ASIC3: variants seen among roughly 807,000 people sequenced by gnomAD.
The protein encoded by ASIC3 is acid-sensing ion channel 3.
Under a neutral mutation model 58.6 loss-of-function variants are expected in ASIC3, and 46 were observed. The observed-to-expected ratio is 0.79, with a 90% CI of 0.62 to 1.00. The LOEUF (loss-of-function observed/expected upper bound fraction) is 1.00, where lower values mean the gene tolerates loss of function less well. Ranked by LOEUF, ASIC3 falls within the 50% of genes least tolerant of loss-of-function variation. ASIC3 has a pLI of 0.00. For synonymous variants in ASIC3, 336 were observed against 300.2 expected (o/e 1.12, Z -1.23); for missense variants, 770 against 735.0 (o/e 1.05, Z -0.55).
Position 151,049,259 on chromosome 7 carries a change from T to A in ASIC3, c.374T>A (p.Phe125Tyr). The A allele has an allele frequency of 6.2e-7, 1 of 1,612,208 alleles. No homozygotes were observed. Among genetic ancestry groups the A allele is most frequent in the Non-Finnish European group, 8.5e-7 (1 of 1,179,548 alleles). ...LGLDPAEHAA[F>Y]LRALGRPPAP... ...CTGGATCCCGCAGAGCACGCCGCCT[T>A]CCTGCGCGCCCTGGGCCGGCCCCCT... Residue 125 changes from phenylalanine to tyrosine, a missense_variant, in exon 1 of 11, where the codon TTC (phenylalanine) becomes TAC (tyrosine). By Grantham distance (22) the Phe-to-Tyr change is conservative (BLOSUM62 3). Transcript: ENST00000349064.
chr7:151,050,224 A>G lies in ASIC3; in HGVS notation c.653A>G (p.Gln218Arg), dbSNP rs1360758057. ...CTGGACATCATGCTGGACGTGCAGC[A>G]GGAGGAATATCTACCTGTGTGGAGG... Reference protein sequence around the residue: ...NGLDIMLDVQQEEYLPVWRDN... With the variant: ...NGLDIMLDVQREEYLPVWRDN... Residue 218 changes from glutamine to arginine, a missense_variant, in exon 2 of 11, where the codon CAG becomes CGG. By Grantham distance (43) the Gln-to-Arg change is conservative. Transcript: ENST00000349064. 1 of 1,614,040 alleles carries G rather than the reference A, an allele frequency of 6.2e-7. No homozygotes were observed. Among genetic ancestry groups the G allele is most frequent in the Non-Finnish European group, 8.5e-7 (1 of 1,179,942 alleles).
In ASIC3 at chr7:151,052,420, A is replaced by C; in HGVS notation, c.1463A>C (p.Gln488Pro). ...GACCCTCTCGTCCTCACACAGCTTC[A>C]GGAAGGGCTGGGCAGCCATCGAACC... ...SQRHSSTNLL[Q>P]EGLGSHRTQV... The change falls in exon 10 of 11, where the codon CAG becomes CCG. Residue 488 changes from glutamine (Q) to proline (P), a missense_variant. Physicochemically the swap from Gln to Pro is moderately conservative, Grantham distance 76. Coordinates refer to ENST00000349064, the MANE Select transcript of ASIC3 (RefSeq NM_004769.4). This position sits in a 1 kb window ranked among gnomAD's most constrained non-coding sequence, Gnocchi z 5.0. 1 of 1,614,008 alleles carries C rather than the reference A, an allele frequency of 6.2e-7. No individual in the cohort carries two copies. Among genetic ancestry groups the C allele is most frequent in the Non-Finnish European group, 8.5e-7 (1 of 1,179,944 alleles).
At chr7:151,051,405 C>T (rs1025022200) in intron 6 of ASIC3, 86 bp downstream of exon 6, 54 of 1,385,492 alleles carry the variant, frequency 3.9e-5, no homozygotes, top group Middle Eastern at 5.3e-4. Context: ...AGCCCTAGTG[C>T]GCACAGCCCG....
In ASIC3 at chr7:151,049,313, C is replaced by T. The variant is rs754483769; in HGVS notation, c.428C>T (p.Thr143Ile). The change falls in exon 1 of 11, where the codon ACC (threonine) becomes ATC (isoleucine). Residue 143 changes from threonine (T) to isoleucine (I), a missense_variant. By Grantham distance (89) the Thr-to-Ile change is moderately conservative. Coordinates refer to ENST00000349064, the MANE Select transcript of ASIC3 (RefSeq NM_004769.4). Reference protein sequence around the residue: ...PAPPGFMPSPTFDMAQLYARA... With the variant: ...PAPPGFMPSPIFDMAQLYARA... ...CCGCCCGGCTTCATGCCCAGTCCCA[C>T]CTTTGACATGGCGCAACTCTATGCC... The T allele has an allele frequency of 3.7e-6, 6 of 1,613,146 alleles. No homozygotes were observed. The highest frequency in any genetic ancestry group is 1.1e-5 in the South Asian group (1 of 91,078).
At chr7:151,049,965 C>T in intron 1 of ASIC3, 141 bp from the exon 2 acceptor site, 1 of 1,119,202 alleles carries the variant, frequency 8.9e-7, no homozygotes, top group South Asian at 1.4e-5. Context: ...CATGTGCCCA[C>T]TGGAGCGTGG....
chr7:151,049,416 C>T lies in ASIC3; in HGVS notation c.531C>T (p.Thr177=), dbSNP rs1796712298. 1 of 1,580,346 alleles carries T rather than the reference C, an allele frequency of 6.3e-7. No individual in the cohort carries two copies. The highest frequency in any genetic ancestry group is 8.6e-7 in the Non-Finnish European group (1 of 1,162,808). The change falls in exon 1 of 11, where the codon ACC becomes ACT. Residue 177 remains threonine (T), a synonymous_variant. Coordinates refer to ENST00000349064, the MANE Select transcript of ASIC3 (RefSeq NM_004769.4). ...AACCTTGTGGGCCTGAGAACTTCAC[C>T]ACGGTGAGCTGACCTCCCTACCTAT... ...RGQPCGPENF[T]TIFTRMGKCY... is the part of the protein sequence containing the mutation.
chr7:151,048,481 C>A (rs1485509010), upstream of ASIC3: 5 of 206,662 alleles, frequency 2.4e-5, no homozygotes, highest in African/African-American at 4.6e-5. Context: ...TCTCCTACCC[C>A]CCAGACTGCT....
rs1255618032 is a variant in ASIC3 at position 151,049,051 on chromosome 7, T to C, written c.166T>C (p.Phe56Leu). 1.2e-6 allele frequency: 2 copies of C among 1,612,928 alleles called. No homozygotes were observed. Among genetic ancestry groups the C allele is most frequent in the African/African-American group, 1.3e-5 (1 of 74,922 alleles). ...AAAVVLSVAT[F>L]LYQVAERVRY... ...GGCCGTGGTCCTGTCAGTGGCCACCTTCCTCTACCAGGTGGCTGAGAGGGT... is the reference window on the plus strand; with the variant it reads ...GGCCGTGGTCCTGTCAGTGGCCACCCTCCTCTACCAGGTGGCTGAGAGGGT... Residue 56 changes from phenylalanine (F) to leucine (L), a missense_variant, in exon 1 of 11, where the codon TTC becomes CTC. By Grantham distance (22) the Phe-to-Leu change is conservative. Transcript: ENST00000349064.
rs557865888 is a variant in ASIC3, at chr7:151,052,088, G to T, written c.1386+26G>T. 1.2e-6 allele frequency: 2 copies of T among 1,613,758 alleles called. No individual in the cohort carries two copies. The highest frequency in any genetic ancestry group is 1.3e-5 in the African/African-American group (1 of 74,988). ...GTGGGCCAGGGCCCCCACTGCAGGG[G>T]GTGGGAGGTGGGAATCAGGGCCCCT... is the stretch of plus-strand genomic sequence containing the variant. On this transcript the variant is annotated intron_variant, in intron 8 of 10. Coordinates refer to ENST00000349064, the MANE Select transcript of ASIC3 (RefSeq NM_004769.4). This position sits in a 1 kb window ranked among gnomAD's most constrained non-coding sequence, Gnocchi z 5.0.
In ASIC3 at chr7:151,051,048, CAG is replaced by C. The variant is rs1476904642; in HGVS notation, c.1020_1021del (p.Cys342GlnfsTer74). ...TCCCCGGTACCCGCAGGCGACGTGC[CAG>C]TGTGCAGCCCCCAGCAGTACAAGAA... On this transcript the variant is annotated frameshift_variant, in exon 5 of 11. Transcript: ENST00000349064. LOFTEE classifies it high-confidence loss of function. 6.2e-7 allele frequency: 1 copy of C among 1,613,332 alleles called. No homozygotes were observed. The highest frequency in any genetic ancestry group is 1.1e-5 in the South Asian group (1 of 91,084).
In ASIC3 at chr7:151,051,211, C is replaced by T. The variant is rs1208608814; in HGVS notation, c.1106C>T (p.Pro369Leu). The change falls in exon 6 of 11, where the codon CCG becomes CTG. Residue 369 changes from proline to leucine, a missense_variant. Coordinates refer to ENST00000349064, the MANE Select transcript of ASIC3 (RefSeq NM_004769.4). The part of the protein sequence containing the change: ...LRKDSCACPN[P>L]CASTRYAKEL... ...AAGGACTCGTGCGCCTGCCCCAACC[C>T]GTGCGCCAGCACGCGCTACGCCAAG... The T allele has an allele frequency of 1.9e-6, 3 of 1,584,010 alleles. No individual in the cohort carries two copies. Among genetic ancestry groups the T allele is most frequent in the African/African-American group, 1.3e-5 (1 of 74,554 alleles).
rs1368129359 is a variant in ASIC3, at chr7:151,052,404, G to T, written c.1459-12G>T. 6.2e-7 allele frequency: 1 copy of T among 1,613,808 alleles called. No homozygotes were observed. Among genetic ancestry groups the T allele is most frequent in the Admixed American group, 1.7e-5 (1 of 59,988 alleles). ...ACCACTCCCCACCTCTGACCCTCTC[G>T]TCCTCACACAGCTTCAGGAAGGGCT... On this transcript the variant is annotated splice_polypyrimidine_tract_variant and intron_variant, in intron 9 of 10. Transcript: ENST00000349064. This position sits in a 1 kb window ranked among gnomAD's most constrained non-coding sequence, Gnocchi z 5.0.
intron 3 of ASIC3, 30 bp from the exon 4 acceptor site, chr7:151,050,728 G>A: frequency 1.2e-6 from 2 of 1,609,654 alleles, no homozygotes; most frequent in Non-Finnish European, 1.7e-6. Context: ...ACGCTCTCCG[G>A]GAAGCCTCCT....
At position 151,052,535 on chromosome 7, in the gene ASIC3, G is replaced by A. The variant is rs778369843; in HGVS notation, c.1518-39G>A. The A allele has an allele frequency of 1.2e-6, 2 of 1,613,654 alleles. No individual in the cohort carries two copies. Among genetic ancestry groups the A allele is most frequent in the East Asian group, 2.2e-5 (1 of 44,874 alleles). On this transcript the variant is annotated intron_variant, in intron 10 of 10. Transcript: ENST00000349064. This position sits in a 1 kb window ranked among gnomAD's most constrained non-coding sequence, Gnocchi z 5.0. Reference sequence around the variant, plus strand: ...CAGGGGCAGGCTCAGGACAGTGGGTGTGCCCGTTCCCACCCCAGCACTCTG... The same window carrying A: ...CAGGGGCAGGCTCAGGACAGTGGGTATGCCCGTTCCCACCCCAGCACTCTG...
In ASIC3 at chr7:151,050,402, G is replaced by C. The variant is rs1796739142; in HGVS notation, c.686-79G>C. The stretch of plus-strand genomic sequence containing the variant: ...GGCTCATCCCAGTCCTGGGGAGAGG[G>C]GCTGCAGTGAGAGGTCTTGTCTGGT... On this transcript the variant is annotated intron_variant, in intron 2 of 10. Coordinates refer to ENST00000349064, the MANE Select transcript of ASIC3 (RefSeq NM_004769.4). 1.0e-5 allele frequency: 16 copies of C among 1,582,712 alleles called. 1 individual carries two copies. Among genetic ancestry groups the C allele is most frequent in the Middle Eastern group, 1.9e-4 (1 of 5,222 alleles).
intron 6 of ASIC3, 81 bp downstream of exon 6, chr7:151,051,400 T>C (rs1796776510): frequency 2.2e-6 from 3 of 1,390,942 alleles, no homozygotes; most frequent in Non-Finnish European, 2.8e-6. Flanking sequence ...GCCGTAGCCC[T>C]AGTGCGCACA....
In ASIC3 at chr7:151,050,105, G is replaced by T. The variant is rs1414741737; in HGVS notation, c.535-1G>T. The T allele has an allele frequency of 1.2e-6, 2 of 1,614,012 alleles. No homozygotes were observed. The highest frequency in any genetic ancestry group is 1.7e-6 in the Non-Finnish European group (2 of 1,180,022). On this transcript the variant is annotated splice_acceptor_variant, in intron 1 of 10. Coordinates refer to ENST00000349064, the MANE Select transcript of ASIC3 (RefSeq NM_004769.4). LOFTEE classifies it high-confidence loss of function. ...GCCATCACCCTGTCTGCCCGCCCCAGATCTTCACCCGGATGGGAAAGTGCT... is the reference window on the plus strand; with the variant it reads ...GCCATCACCCTGTCTGCCCGCCCCATATCTTCACCCGGATGGGAAAGTGCT...
rs1368129359 is a variant in ASIC3, at chr7:151,052,404, G to A, written c.1459-12G>A. ...ACCACTCCCCACCTCTGACCCTCTC[G>A]TCCTCACACAGCTTCAGGAAGGGCT... On this transcript the variant is annotated splice_polypyrimidine_tract_variant and intron_variant, in intron 9 of 10. Transcript: ENST00000349064. The surrounding 1 kb of genome is among the most constrained non-coding windows in gnomAD (Gnocchi z 5.0). The A allele has an allele frequency of 7.4e-6, 12 of 1,613,926 alleles. No homozygotes were observed. The highest frequency in any genetic ancestry group is 4.4e-5 in the South Asian group (4 of 91,078).
In ASIC3 at chr7:151,052,213, C is replaced by T. The variant is rs752648072; in HGVS notation, c.1434C>T (p.Ser478=). Residue 478 remains serine, a synonymous_variant, in exon 9 of 11, where the codon TCC becomes TCT. Transcript: ENST00000349064. This position sits in a 1 kb window ranked among gnomAD's most constrained non-coding sequence, Gnocchi z 5.0. ...GATATTTCTGGAACCGACAGCACTC[C>T]CAAAGGCACTCCAGCACCAATCTGG... ...VLGYFWNRQH[S]QRHSSTNLLQ... is the part of the protein sequence containing the mutation. The T allele has an allele frequency of 6.2e-7, 1 of 1,613,912 alleles. No homozygotes were observed.
Sources: gnomAD v4.1 joint callset for allele counts on GRCh38, gnomAD v4.1.1 for gene constraint, Gnocchi (gnomAD v3.1) non-coding constraint, MANE v1.5 for transcripts, NCBI Gene and HGNC (gene_info 2026-07-23, HGNC 2026-07-21) for gene names.